The following KLHL13 variants were observed in gnomAD, a reference collection of about 807,000 sequenced individuals.
KLHL13 encodes kelch-like protein 13.
In KLHL13, 10 loss-of-function variants were observed where a neutral mutation model predicts 37.1. The observed-to-expected ratio is 0.27, with a 90% CI of 0.17 to 0.46. KLHL13 has a LOEUF of 0.46. Ranked by LOEUF, KLHL13 falls within the 20% of genes least tolerant of loss-of-function variation. The pLI is 1.00. For synonymous variants in KLHL13, 163 were observed against 181.2 expected (o/e 0.90, Z 0.81); for missense variants, 360 against 509.3 (o/e 0.71, Z 2.82).
upstream of KLHL13, among the ~76,000 whole-genome samples, chrX:117,975,213 T>C (rs1481141229): frequency 1.8e-5 from 2 of 110,156 alleles, no homozygotes; most frequent in Non-Finnish European, 3.8e-5. Flanking sequence ...GCCACACACA[T>C]GTATGAACAC....
chrX:117,971,138 T>C (rs2053516126), intron 1 of KLHL13, among the ~76,000 whole-genome samples: 1 of 111,762 alleles, frequency 8.9e-6, no homozygotes, highest in Non-Finnish European at 1.9e-5. Context: ...AACATGGGGA[T>C]TTATTTCACC....
intron 1 of KLHL13, among the ~76,000 whole-genome samples, chrX:118,051,272 G>A (rs906843145): frequency 9.0e-6 from 1 of 110,846 alleles, no homozygotes; most frequent in Non-Finnish European, 1.9e-5. Flanking sequence ...CGGGTACGGT[G>A]GCTCACACCT....
At chrX:118,054,608 T>A (rs1438739389) in intron 1 of KLHL13, among the ~76,000 whole-genome samples, 1 of 111,714 alleles carries the variant, frequency 9.0e-6, no homozygotes, top group Non-Finnish European at 1.9e-5. Context: ...AAGTTTATTA[T>A]CACATTTCTT....
intron 1 of KLHL13, among the ~76,000 whole-genome samples, chrX:118,101,115 A>G (rs1368061580): frequency 9.0e-6 from 1 of 111,443 alleles, no homozygotes; most frequent in East Asian, 2.8e-4. Context: ...CTTACACATC[A>G]ATTGTTTGTG....
chrX:118,069,108 G>GACACACACAC (rs1569307938), intron 1 of KLHL13, among the ~76,000 whole-genome samples: 1 of 73,280 alleles, frequency 1.4e-5, no homozygotes, highest in African/African-American at 1.1e-4. Flanking sequence ...ATCCAGAAGA[G>GACACACACAC]TCACACACAC....
At chrX:117,969,898 C>T (rs1273083786) in intron 1 of KLHL13, among the ~76,000 whole-genome samples, 1 of 111,631 alleles carries the variant, frequency 9.0e-6, no homozygotes, top group Non-Finnish European at 1.9e-5. Flanking sequence ...AACTGTCATT[C>T]AAGTTCTAAA....
At chrX:118,038,291 C>T (rs1360635286) in intron 1 of KLHL13, among the ~76,000 whole-genome samples, 2 of 111,843 alleles carry the variant, frequency 1.8e-5, no homozygotes, top group Admixed American at 9.5e-5. Context: ...TGTAGGAAGA[C>T]GAAATTGAAC....
chrX:117,991,406 C>T (rs1273642177), intron 1 of KLHL13, among the ~76,000 whole-genome samples: 1 of 110,570 alleles, frequency 9.0e-6, no homozygotes, highest in African/African-American at 3.3e-5. Flanking sequence ...ATAAACCAAT[C>T]CCAAGCCAAG....
At chrX:118,102,200 A>C (rs888099277) in intron 1 of KLHL13, among the ~76,000 whole-genome samples, 5 of 111,929 alleles carry the variant, frequency 4.5e-5, no homozygotes, top group African/African-American at 1.6e-4. Flanking sequence ...CATAGAGATA[A>C]TATCTCCAGA....
In KLHL13 at chrX:118,041,427, T is replaced by A. The variant is rs772575844; in HGVS notation, c.-56+75081A>T. ...CTATAGTCCCAGCTACTAGGGAGGTTGAGGTGGGTGGATCACTTAAGGCCA... is the reference window on the plus strand; with the variant it reads ...CTATAGTCCCAGCTACTAGGGAGGTAGAGGTGGGTGGATCACTTAAGGCCA... On this transcript the variant is annotated intron_variant, in intron 1 of 6. Transcript: ENST00000371882. 2.7e-5 allele frequency among the ~76,000 whole-genome samples: 3 copies of A among 110,709 alleles called. No homozygotes were observed. The East Asian group carries it at 8.6e-4, about 32-fold the overall frequency.
intron 1 of KLHL13, among the ~76,000 whole-genome samples, chrX:118,066,635 C>A (rs2054797172): frequency 9.0e-6 from 1 of 110,922 alleles, no homozygotes; most frequent in East Asian, 2.8e-4. Context: ...AGAAACCTGA[C>A]AAAATGATCT....
intron 1 of KLHL13, among the ~76,000 whole-genome samples, chrX:118,056,038 C>T (rs2054681626): frequency 9.0e-6 from 1 of 111,252 alleles, no homozygotes; most frequent in African/African-American, 3.3e-5. Flanking sequence ...TTTATTTTTT[C>T]AGAGCAGATG....
chrX:117,903,423 A>T (rs1402364225), intron 5 of KLHL13, among the ~76,000 whole-genome samples: 2 of 111,452 alleles, frequency 1.8e-5, no homozygotes, highest in African/African-American at 6.5e-5. Context: ...TCATTGCTTT[A>T]GGCCTGGATC....
chrX:117,912,529 C>T (rs1057217617), intron 4 of KLHL13, among the ~76,000 whole-genome samples: 5 of 112,019 alleles, frequency 4.5e-5, no homozygotes, highest in Non-Finnish European at 7.5e-5. Flanking sequence ...GAGAAAGAAA[C>T]TTAAATTTTA....
intron 1 of KLHL13, among the ~76,000 whole-genome samples, chrX:118,013,445 T>C (rs1051235202): frequency 8.9e-6 from 1 of 111,980 alleles, no homozygotes; most frequent in Admixed American, 9.5e-5. Flanking sequence ...CAAAAACAAC[T>C]AGCATGGAAA....
In KLHL13 at chrX:117,938,955, T is replaced by A. The variant is rs765840043; in HGVS notation, c.240+6479A>T. Among the ~76,000 whole-genome samples the A allele has an allele frequency of 9.0e-5, 10 of 110,919 alleles. No homozygotes were observed. The South Asian group carries it at 3.1e-3, about 34-fold the overall frequency. ...AGGATTAGAGGGATTTATTTTTTTT[T>A]TATACTTAAAGTTCTGGGATACATG... On this transcript the variant is annotated intron_variant, in intron 2 of 6. Coordinates refer to ENST00000262820, the Ensembl canonical transcript of KLHL13.
rs1224223923 is a variant in KLHL13 at position 118,098,639 on chromosome X, G to A, written c.-56+17869C>T. ...ACACATGCACACGTATGTTTATAGC[G>A]GCACTATTCACAATAGCAAAGACTT... On this transcript the variant is annotated intron_variant, in intron 1 of 6. Transcript: ENST00000371882. 2.9e-3 allele frequency among the ~76,000 whole-genome samples: 310 copies of A among 106,469 alleles called. 1 individual carries two copies. Among genetic ancestry groups the A allele is most frequent in the Non-Finnish European group, 5.2e-3 (268 of 51,894 alleles). The allele number at this position is 106,469 out of a possible 115,157, so 92.5% of individuals were successfully genotyped here.
chrX:118,038,931 A>AT (rs372699150), intron 1 of KLHL13, among the ~76,000 whole-genome samples: 3 of 111,360 alleles, frequency 2.7e-5, no homozygotes, highest in African/African-American at 9.8e-5. Flanking sequence ...GAAAAAGATG[A>AT]TTTTGTCTTG....
chrX:117,947,896 T>C (rs1442887298), intron 1 of KLHL13: 2 of 112,056 alleles, frequency 1.8e-5, no homozygotes, highest in Non-Finnish European at 3.8e-5. Flanking sequence ...CAAGCCACAA[T>C]TATATCAATC....
Sources: gnomAD v4.1 joint callset for allele counts (sites outside exome capture counted in the v4.1 genomes callset) on GRCh38, gnomAD v4.1.1 for gene constraint, MANE v1.5 for transcripts, NCBI Gene and HGNC (gene_info 2026-07-23, HGNC 2026-07-21) for gene names.